The following TOP6BL variants were observed in gnomAD, a reference collection of about 807,000 sequenced individuals.
The protein encoded by TOP6BL is TOP6B like initiator of meiotic double strand breaks.
chr11:66,803,932 G>C, the TOP6BL span: 1 of 1,360,772 alleles, frequency 7.3e-7, no homozygotes. Context: ...AATTTTGAAT[G>C]CTCTTTTAAA....
chr11:66,833,074 G>A, the TOP6BL span, among the ~76,000 whole-genome samples: 1 of 124,966 alleles, frequency 8.0e-6, no homozygotes, highest in Non-Finnish European at 1.6e-5. Flanking sequence ...TTGACACCGA[G>A]TCTTGCTCTG....
chr11:66,754,258 C>G, the TOP6BL span, among the ~76,000 whole-genome samples: 3 of 152,164 alleles, frequency 2.0e-5, no homozygotes, highest in African/African-American at 7.2e-5. Context: ...CCCTTGCATT[C>G]TCTCTTTTCT....
At chr11:66,768,653 A>G in the TOP6BL span, among the ~76,000 whole-genome samples, 1 of 150,598 alleles carries the variant, frequency 6.6e-6, no homozygotes, top group Admixed American at 6.6e-5. Flanking sequence ...ACGCTAAAAC[A>G]GATTTTTGTT....
chr11:66,820,472 A>G, the TOP6BL span, among the ~76,000 whole-genome samples: 5 of 152,182 alleles, frequency 3.3e-5, no homozygotes, highest in South Asian at 2.1e-4. Context: ...ATGGTGGCCT[A>G]TTGTTTGATG....
chr11:66,821,558 A>G, the TOP6BL span: 2 of 1,457,496 alleles, frequency 1.4e-6, no homozygotes, highest in Non-Finnish European at 1.9e-6. Flanking sequence ...TACAGGCCAC[A>G]TCTGGTAATT....
chr11:66,795,940 A>G, the TOP6BL span: 1 of 182,480 alleles, frequency 5.5e-6, no homozygotes, highest in Admixed American at 5.9e-5. Context: ...CTTAATACAG[A>G]TTGTTCCAAA....
chr11:66,838,531 T>TAGTAGAAGGTACAGTGG, the TOP6BL span: 3 of 1,198,964 alleles, frequency 2.5e-6, no homozygotes, highest in Non-Finnish European at 3.6e-6. Context: ...TATTCCACTG[T>TAGTAGAAGGTACAGTGG]ACCTTCTACT....
At chr11:66,798,352 C>G in the TOP6BL span, among the ~76,000 whole-genome samples, 1 of 151,964 alleles carries the variant, frequency 6.6e-6, no homozygotes, top group Non-Finnish European at 1.5e-5. Flanking sequence ...GTAATCCCAG[C>G]ACTTTGGGAG....
the TOP6BL span, among the ~76,000 whole-genome samples, chr11:66,757,955 G>T: frequency 5.3e-5 from 8 of 152,156 alleles, no homozygotes; most frequent in African/African-American, 1.9e-4. Context: ...CTGCTGTACT[G>T]AACAGCAGTT....
chr11:66,822,784 G>T, the TOP6BL span: 1 of 704,832 alleles, frequency 1.4e-6, no homozygotes, highest in Non-Finnish European at 2.4e-6. Context: ...TAGGAGGATT[G>T]CTTGAGCCCA....
At chr11:66,788,080 C>A in the TOP6BL span, 1 of 966,448 alleles carries the variant, frequency 1.0e-6, no homozygotes, top group Non-Finnish European at 1.6e-6. Flanking sequence ...CTTGGCTCAC[C>A]AGTTTAATAA....
At chr11:66,805,397 G>A in the TOP6BL span, among the ~76,000 whole-genome samples, 1 of 151,980 alleles carries the variant, frequency 6.6e-6, no homozygotes, top group Admixed American at 6.6e-5. Context: ...TAAGGTTGAT[G>A]TCAGATTTCT....
chr11:66,744,935 G>C, the TOP6BL span: 13 of 1,251,426 alleles, frequency 1.0e-5, no homozygotes, highest in African/African-American at 1.7e-4. Context: ...GCTGGGAAGG[G>C]AGAGAAAGCG....
At chr11:66,806,973 T>C in the TOP6BL span, among the ~76,000 whole-genome samples, 1 of 152,240 alleles carries the variant, frequency 6.6e-6, no homozygotes, top group African/African-American at 2.4e-5. Flanking sequence ...AAGTTTCTTC[T>C]TCTTCCTCAT....
At chr11:66,753,925 G>C in the TOP6BL span, among the ~76,000 whole-genome samples, 1 of 151,166 alleles carries the variant, frequency 6.6e-6, no homozygotes, top group Non-Finnish European at 1.5e-5. Flanking sequence ...GGCTGGTCTC[G>C]AACTCCTGAC....
chr11:66,788,253 T>G, the TOP6BL span: 1 of 1,611,552 alleles, frequency 6.2e-7, no homozygotes, highest in Non-Finnish European at 8.5e-7. Context: ...GTAACACCCT[T>G]CCAGATGATT....
At chr11:66,842,304 C>G in the TOP6BL span, among the ~76,000 whole-genome samples, 4 of 152,230 alleles carry the variant, frequency 2.6e-5, no homozygotes, top group Admixed American at 2.6e-4. Flanking sequence ...GCTTTGTACA[C>G]AGGTCTGCAT....
the TOP6BL span, among the ~76,000 whole-genome samples, chr11:66,790,113 A>G: frequency 6.6e-6 from 1 of 152,124 alleles, no homozygotes; most frequent in Non-Finnish European, 1.5e-5. Context: ...TCTACAAAAA[A>G]TACAAAAAAT....
the TOP6BL span, among the ~76,000 whole-genome samples, chr11:66,823,010 A>ATT: frequency 1.6e-4 from 24 of 150,498 alleles, no homozygotes; most frequent in African/African-American, 5.9e-4. Context: ...AAAAAAAAAA[A>ATT]AATGCCCAGG....
Sources: allele counts gnomAD v4.1 joint callset (sites outside exome capture counted in the v4.1 genomes callset), GRCh38; gene constraint gnomAD v4.1.1; transcripts MANE v1.5; gene names NCBI Gene and HGNC (gene_info 2026-07-23, HGNC 2026-07-21).